The following USO1 variants were observed in gnomAD, a reference collection of about 807,000 sequenced individuals.
USO1 encodes general vesicular transport factor p115.
A neutral mutation model predicts 124.5 loss-of-function variants in USO1; 57 were observed. The observed-to-expected ratio is 0.46, with a 90% CI of 0.37 to 0.57. The LOEUF is 0.57. Ranked by LOEUF, USO1 falls within the 20% of genes least tolerant of loss-of-function variation. The probability of loss-of-function intolerance (pLI) is 0.00; values close to 1 mark genes in which losing one functional copy is unlikely to be tolerated. For missense variants in USO1, 900 were observed against 1,040.6 expected (o/e 0.86, Z 1.86); for synonymous variants, 369 against 362.8 (o/e 1.02, Z -0.19).
intron 3 of USO1, among the ~76,000 whole-genome samples, chr4:75,756,321 G>C (rs534006410): frequency 2.0e-5 from 3 of 151,442 alleles, no homozygotes; most frequent in African/African-American, 7.3e-5. Flanking sequence ...TAGAAGAGCA[G>C]GAAAAAAGAA....
rs1344507397 is a variant in USO1, at chr4:75,782,679, G to A, written c.677-1G>A. 6.4e-7 allele frequency: 1 copy of A among 1,552,050 alleles called. No homozygotes were observed. The highest frequency in any genetic ancestry group is 8.7e-7 in the Non-Finnish European group (1 of 1,149,940). ...GCTTGTGTTTTACATTATTTCCCCA[G>A]GTATAGTAGTTGAAGATTGTTTGAT... On this transcript the variant is annotated splice_acceptor_variant, in intron 8 of 23. Transcript: ENST00000514213. LOFTEE classifies it high-confidence loss of function.
chr4:75,762,042 G>A (rs1577944268), intron 4 of USO1, among the ~76,000 whole-genome samples: 1 of 150,448 alleles, frequency 6.6e-6, no homozygotes, highest in Non-Finnish European at 1.5e-5. Context: ...TTTATCTTAT[G>A]TAATCCTCAT....
chr4:75,740,008 A>G (rs2149143362), intron 1 of USO1, among the ~76,000 whole-genome samples: 1 of 152,232 alleles, frequency 6.6e-6, no homozygotes, highest in East Asian at 1.9e-4. Context: ...TGGCCATGAG[A>G]TCAATATTAA....
intron 1 of USO1, among the ~76,000 whole-genome samples, chr4:75,737,728 A>T (rs954023421): frequency 6.6e-6 from 1 of 152,106 alleles, no homozygotes; most frequent in Non-Finnish European, 1.5e-5. Context: ...AAAACATAGA[A>T]ATCTGGATTT....
At chr4:75,756,802 C>T (rs915066238) in intron 3 of USO1, among the ~76,000 whole-genome samples, 7 of 151,824 alleles carry the variant, frequency 4.6e-5, no homozygotes, top group Middle Eastern at 3.4e-3. Context: ...CGTGAGCAAC[C>T]GCACCGGGCA....
rs748143935 is a variant in USO1 at position 75,800,600 on chromosome 4, A to G, written c.1683-18A>G. ...ATTTTATTTTTTTTAAAGCATCTCA[A>G]TATGCTTATCTCCGTAGAGAGAAGC... On this transcript the variant is annotated intron_variant, in intron 15 of 23. Transcript: ENST00000514213. 3.8e-5 allele frequency: 58 copies of G among 1,537,034 alleles called. No individual in the cohort carries two copies. In the South Asian group the frequency reaches 5.9e-4, roughly 16 times the overall value.
intron 13 of USO1, among the ~76,000 whole-genome samples, chr4:75,799,141 T>C (rs775569165): frequency 6.6e-6 from 1 of 152,176 alleles, no homozygotes; most frequent in Non-Finnish European, 1.5e-5. Context: ...TTTGACTAAA[T>C]GATTCAGGGG....
At chr4:75,792,706 CAAAAA>C (rs1337424820) in intron 12 of USO1, among the ~76,000 whole-genome samples, 1 of 151,904 alleles carries the variant, frequency 6.6e-6, no homozygotes, top group Non-Finnish European at 1.5e-5. Context: ...CAAAAAAAAA[CAAAAA>C]ATAAAATATA....
chr4:75,800,834 A>G (rs1722826837), intron 16 of USO1, 35 bp downstream of exon 16: 2 of 1,583,660 alleles, frequency 1.3e-6, no homozygotes, highest in African/African-American at 2.7e-5. Flanking sequence ...ATTTGATGGA[A>G]AGTAATTATA....
At chr4:75,781,517 TTTAAA>T (rs1300511567) in intron 8 of USO1, among the ~76,000 whole-genome samples, 1 of 152,200 alleles carries the variant, frequency 6.6e-6, no homozygotes, top group Non-Finnish European at 1.5e-5. Context: ...ATGAAATATT[TTTAAA>T]TTAAGTTATG....
chr4:75,807,459 C>T (rs1189184335), intron 20 of USO1, among the ~76,000 whole-genome samples: 3 of 151,942 alleles, frequency 2.0e-5, no homozygotes, highest in Admixed American at 1.3e-4. Context: ...CACTAAGCAA[C>T]TGGCCCTAGT....
At chr4:75,732,586 A>G (rs776346339) in intron 1 of USO1, among the ~76,000 whole-genome samples, 8 of 152,314 alleles carry the variant, frequency 5.3e-5, no homozygotes, top group Non-Finnish European at 8.8e-5. Flanking sequence ...CTTACAATAA[A>G]TAGTCATAGT....
intron 4 of USO1, among the ~76,000 whole-genome samples, chr4:75,769,064 C>T (rs1225224363): frequency 2.0e-5 from 3 of 152,098 alleles, no homozygotes; most frequent in African/African-American, 7.2e-5. Context: ...AATCACTCTT[C>T]CTTTTCTTTC....
rs114726134 is a variant in USO1 at position 75,763,230 on chromosome 4, T to C, written c.295+5657T>C. ...TAAATGCCAGCCATATAAACAGGCCTGAAAACTATCCAGAGCTATACAGAC... is the reference window on the plus strand; with the variant it reads ...TAAATGCCAGCCATATAAACAGGCCCGAAAACTATCCAGAGCTATACAGAC... On this transcript the variant is annotated intron_variant, in intron 4 of 23. Transcript: ENST00000514213. Among the ~76,000 whole-genome samples, 1,389 of 152,314 alleles carry C rather than the reference T, an allele frequency of 9.1e-3. 33 individuals are homozygous for C. The highest frequency in any genetic ancestry group is 0.032 in the African/African-American group (1,325 of 41,564).
intron 20 of USO1, among the ~76,000 whole-genome samples, chr4:75,806,794 C>G (rs1420346912): frequency 2.0e-5 from 3 of 152,086 alleles, no homozygotes; most frequent in Non-Finnish European, 1.5e-5. Flanking sequence ...TAAAAAATCT[C>G]AGCATCTCAC....
At chr4:75,754,067 G>A (rs563714354) in intron 3 of USO1, among the ~76,000 whole-genome samples, 12 of 148,876 alleles carry the variant, frequency 8.1e-5, no homozygotes, top group Admixed American at 2.7e-4. Flanking sequence ...GATTACAGGC[G>A]TGAGCCACCG....
intron 10 of USO1, among the ~76,000 whole-genome samples, chr4:75,788,522 A>ATTTTCTTTTC (rs1274358872): frequency 1.4e-5 from 2 of 143,276 alleles, no homozygotes; most frequent in South Asian, 4.5e-4. Flanking sequence ...ATTTTTCTTA[A>ATTTTCTTTTC]TTTTCTTTTC....
intron 4 of USO1, among the ~76,000 whole-genome samples, chr4:75,766,144 A>G (rs565873619): frequency 6.6e-6 from 1 of 152,288 alleles, no homozygotes; most frequent in Non-Finnish European, 1.5e-5. Flanking sequence ...GATAGATTGC[A>G]TATAACTTTT....
chr4:75,770,586 T>A, intron 5 of USO1, 47 bp downstream of exon 5: 1 of 1,524,846 alleles, frequency 6.6e-7, no homozygotes, highest in Non-Finnish European at 8.8e-7. Flanking sequence ...AAGCTGCTTT[T>A]GTTGCCTTTT....
Sources: allele counts gnomAD v4.1 joint callset (sites outside exome capture counted in the v4.1 genomes callset), GRCh38; gene constraint gnomAD v4.1.1; transcripts MANE v1.5; gene names NCBI Gene and HGNC (gene_info 2026-07-23, HGNC 2026-07-21).